FSTL5: variants seen among roughly 807,000 people sequenced by gnomAD.
FSTL5 encodes the protein follistatin-related protein 5.
In FSTL5, 62 loss-of-function variants were observed where a neutral mutation model predicts 89.1. That is an observed-to-expected ratio of 0.70 (90% CI 0.57 to 0.86). The LOEUF is 0.86. FSTL5 is among the 40% of genes least tolerant of loss of function. FSTL5 has a pLI of 0.00. For missense variants in FSTL5, 1,057 were observed against 1,001.6 expected (o/e 1.06, Z -0.75); for synonymous variants, 383 against 346.2 (o/e 1.11, Z -1.18).
In FSTL5 at chr4:161,479,357, T is replaced by C. The variant is rs111607283; in HGVS notation, c.1608+1663A>G. ...TCACCATTATTTGAAGGTGGAATTATATGAATAATAAGTGATGTTAGCTCT... is the reference window on the plus strand; with the variant it reads ...TCACCATTATTTGAAGGTGGAATTACATGAATAATAAGTGATGTTAGCTCT... On this transcript the variant is annotated intron_variant, in intron 13 of 15. Coordinates refer to ENST00000306100, the MANE Select transcript of FSTL5 (RefSeq NM_020116.5). Among the ~76,000 whole-genome samples the C allele has an allele frequency of 1.4e-4, 22 of 152,282 alleles. No individual in the cohort carries two copies. The East Asian group carries it at 4.2e-3, about 29-fold the overall frequency.
intron 4 of FSTL5, among the ~76,000 whole-genome samples, chr4:161,918,685 C>T (rs1733905821): frequency 6.6e-6 from 1 of 151,964 alleles, no homozygotes; most frequent in South Asian, 2.1e-4. Context: ...CGCTCTGTTG[C>T]CTAGGCTGGA....
intron 12 of FSTL5, among the ~76,000 whole-genome samples, chr4:161,488,148 A>G (rs1729744217): frequency 6.6e-6 from 1 of 152,166 alleles, no homozygotes; most frequent in Admixed American, 6.5e-5. Context: ...CATAAGTTTT[A>G]ACTGAGATTA....
chr4:161,967,206 T>G (rs1735354303), intron 3 of FSTL5, among the ~76,000 whole-genome samples: 1 of 152,084 alleles, frequency 6.6e-6, no homozygotes, highest in Non-Finnish European at 1.5e-5. Context: ...ATCTTAAAAT[T>G]GTCCAGAGGC....
At chr4:162,104,087 C>A (rs370908850) in intron 2 of FSTL5, among the ~76,000 whole-genome samples, 26 of 152,352 alleles carry the variant, frequency 1.7e-4, no homozygotes, top group African/African-American at 5.8e-4. Context: ...CTGCTGTTTG[C>A]CACTATCGCA....
At chr4:161,799,729 C>A (rs1295071368) in intron 4 of FSTL5, among the ~76,000 whole-genome samples, 1 of 151,580 alleles carries the variant, frequency 6.6e-6, no homozygotes, top group African/African-American at 2.4e-5. Context: ...GCTACATTTT[C>A]TTTCACAAAG....
intron 1 of FSTL5, among the ~76,000 whole-genome samples, chr4:162,125,346 AT>A (rs11313471): frequency 0.19 from 29,469 of 152,034 alleles, 3,747 homozygotes; most frequent in African/African-American, 0.36. Flanking sequence ...TTGTAACTAA[AT>A]TTTTTTATTT....
chr4:161,842,014 A>C (rs1731226468), intron 4 of FSTL5, among the ~76,000 whole-genome samples: 1 of 152,152 alleles, frequency 6.6e-6, no homozygotes. Context: ...GAAGGACTCC[A>C]ACAGAGCGAG....
At chr4:162,028,638 T>C (rs1737393028) in intron 3 of FSTL5, among the ~76,000 whole-genome samples, 1 of 152,150 alleles carries the variant, frequency 6.6e-6, no homozygotes, top group Non-Finnish European at 1.5e-5. Context: ...TGACTATGCA[T>C]TTCATGAAAT....
intron 15 of FSTL5, among the ~76,000 whole-genome samples, chr4:161,427,691 C>T (rs1732211688): frequency 6.6e-6 from 1 of 152,086 alleles, no homozygotes; most frequent in Non-Finnish European, 1.5e-5. Flanking sequence ...TTAATGGACT[C>T]AGAATAAAAC....
chr4:161,517,450 G>A (rs1335647048), intron 10 of FSTL5, among the ~76,000 whole-genome samples: 1 of 152,108 alleles, frequency 6.6e-6, no homozygotes, highest in African/African-American at 2.4e-5. Context: ...TAATGAAAAT[G>A]TGCTCAGTGG....
At chr4:162,141,552 C>T (rs1192773147) in intron 1 of FSTL5, among the ~76,000 whole-genome samples, 3 of 152,132 alleles carry the variant, frequency 2.0e-5, no homozygotes, top group African/African-American at 7.2e-5. Flanking sequence ...CCTGTAGAAC[C>T]GTAAGCCAAA....
intron 8 of FSTL5, 137 bp downstream of exon 8, chr4:161,587,318 A>T (rs1578947492): frequency 1.5e-6 from 1 of 653,270 alleles, no homozygotes; most frequent in South Asian, 2.2e-5. Context: ...TACTTAAAAA[A>T]CTTTTACATT....
chr4:161,980,778 T>TA (rs1735805039), intron 3 of FSTL5, among the ~76,000 whole-genome samples: 1 of 139,624 alleles, frequency 7.2e-6, no homozygotes, highest in Non-Finnish European at 1.5e-5. Context: ...TTTTTTTTTT[T>TA]TTTTTTTTTT....
At chr4:161,906,161 C>T (rs1003445926) in intron 4 of FSTL5, among the ~76,000 whole-genome samples, 7 of 152,116 alleles carry the variant, frequency 4.6e-5, no homozygotes, top group Non-Finnish European at 8.8e-5. Flanking sequence ...ACACCTAAGT[C>T]TCCCAGGAAG....
At chr4:161,606,388 C>T (rs951447830) in intron 7 of FSTL5, among the ~76,000 whole-genome samples, 2 of 151,796 alleles carry the variant, frequency 1.3e-5, no homozygotes, top group African/African-American at 4.8e-5. Context: ...GCTGGGACTA[C>T]AGGCGTAATT....
chr4:161,616,068 T>A (rs1292509137), intron 7 of FSTL5, among the ~76,000 whole-genome samples: 1 of 151,934 alleles, frequency 6.6e-6, no homozygotes, highest in African/African-American at 2.4e-5. Flanking sequence ...CTGAGTGTTT[T>A]TTTTTTCTTT....
intron 4 of FSTL5, among the ~76,000 whole-genome samples, chr4:161,887,359 T>G (rs1732839060): frequency 6.6e-6 from 1 of 152,074 alleles, no homozygotes; most frequent in South Asian, 2.1e-4. Context: ...CTCTATTGTT[T>G]CTGAATCTCT....
chr4:161,970,158 T>C (rs1025832065), intron 3 of FSTL5, among the ~76,000 whole-genome samples: 2 of 152,144 alleles, frequency 1.3e-5, no homozygotes, highest in Non-Finnish European at 2.9e-5. Flanking sequence ...AATTAAAGCC[T>C]TGTTTCCACT....
intron 3 of FSTL5, among the ~76,000 whole-genome samples, chr4:162,013,363 T>C (rs1050560287): frequency 6.6e-6 from 1 of 152,108 alleles, no homozygotes; most frequent in Non-Finnish European, 1.5e-5. Flanking sequence ...TCCTTCTATA[T>C]GGAGGAACAA....
Sources: gnomAD v4.1 joint callset for allele counts (sites outside exome capture counted in the v4.1 genomes callset) on GRCh38, gnomAD v4.1.1 for gene constraint, MANE v1.5 for transcripts, NCBI Gene and HGNC (gene_info 2026-07-23, HGNC 2026-07-21) for gene names.